The following SSBP2 variants were observed in gnomAD, a reference collection of about 807,000 sequenced individuals.
SSBP2 encodes single-stranded DNA-binding protein 2.
Under a neutral mutation model 61.8 loss-of-function variants are expected in SSBP2, and 17 were observed. The observed-to-expected ratio is 0.28, with a 90% CI of 0.19 to 0.41. The LOEUF (loss-of-function observed/expected upper bound fraction) is 0.41, where lower values mean the gene tolerates loss of function less well. Ranked by LOEUF, SSBP2 falls within the 10% of genes least tolerant of loss-of-function variation. The probability of loss-of-function intolerance (pLI) is 1.00; values close to 1 mark genes in which losing one functional copy is unlikely to be tolerated. For synonymous variants in SSBP2, 139 were observed against 141.3 expected, an observed-to-expected ratio of 0.98 and a Z score of 0.12; for missense variants, 310 against 458.7, an observed-to-expected ratio of 0.68 and a Z score of 2.96.
At chr5:81,446,762 A>G (rs1334203669) in intron 12 of SSBP2, 106 bp downstream of exon 12, 7 of 1,080,688 alleles carry the variant, frequency 6.5e-6, no homozygotes, top group Non-Finnish European at 9.3e-6. Flanking sequence ...TCCTTTAACT[A>G]TCGTGAGAAC....
At chr5:81,632,389 A>T (rs1020772453) in intron 3 of SSBP2, among the ~76,000 whole-genome samples, 11 of 152,224 alleles carry the variant, frequency 7.2e-5, no homozygotes, top group Non-Finnish European at 1.5e-4. Context: ...GGCTTGAGGA[A>T]GATACGATAT....
chr5:81,426,078 G>C (rs1306847208), intron 16 of SSBP2, among the ~76,000 whole-genome samples: 3 of 152,194 alleles, frequency 2.0e-5, no homozygotes, highest in Admixed American at 6.5e-5. Context: ...AATTCATTAA[G>C]AGTTCTGCTT....
chr5:81,715,822 C>A lies in SSBP2; in HGVS notation c.62+35159G>T, dbSNP rs6873194. On this transcript the variant is annotated intron_variant, in intron 1 of 16. Transcript: ENST00000320672. Reference sequence around the variant, plus strand: ...CTGCAATCCCAACTCTTAGGAAGGCCGAGGCAAGAGGATTGCTTGAGCCCA... The same window carrying A: ...CTGCAATCCCAACTCTTAGGAAGGCAGAGGCAAGAGGATTGCTTGAGCCCA... Among the ~76,000 whole-genome samples, 4 of 152,032 alleles carry A rather than the reference C, an allele frequency of 2.6e-5. 1 individual carries two copies. The South Asian group carries it at 6.2e-4, about 24-fold the overall frequency.
At chr5:81,667,922 C>T (rs983856195) in intron 1 of SSBP2, among the ~76,000 whole-genome samples, 3 of 152,056 alleles carry the variant, frequency 2.0e-5, no homozygotes, top group African/African-American at 7.2e-5. Flanking sequence ...AAACGGTTGA[C>T]TTATAGAATT....
At chr5:81,612,013 G>A (rs1030703902) in intron 4 of SSBP2, among the ~76,000 whole-genome samples, 2 of 151,978 alleles carry the variant, frequency 1.3e-5, no homozygotes, top group Non-Finnish European at 2.9e-5. Flanking sequence ...TACCACAAAA[G>A]GGAAAAAATA....
At chr5:81,510,792 A>T (rs1260347742) in intron 5 of SSBP2, among the ~76,000 whole-genome samples, 3 of 152,134 alleles carry the variant, frequency 2.0e-5, no homozygotes, top group Non-Finnish European at 4.4e-5. Context: ...GGAGTACTGT[A>T]AAAGACTCCT....
At chr5:81,729,706 A>G (rs1270457963) in intron 1 of SSBP2, among the ~76,000 whole-genome samples, 2 of 151,870 alleles carry the variant, frequency 1.3e-5, no homozygotes, top group African/African-American at 2.4e-5. Context: ...CTAGGACAGC[A>G]TATTTTTGCT....
chr5:81,600,359 G>A (rs891236944), intron 4 of SSBP2, among the ~76,000 whole-genome samples: 3 of 151,876 alleles, frequency 2.0e-5, no homozygotes, highest in Non-Finnish European at 4.4e-5. Context: ...TCAGGAGTTC[G>A]AGACCAGCCT....
intron 2 of SSBP2, among the ~76,000 whole-genome samples, chr5:81,644,083 C>T (rs1749055670): frequency 6.6e-6 from 1 of 152,104 alleles, no homozygotes; most frequent in South Asian, 2.1e-4. Flanking sequence ...TTGCACTAGC[C>T]ATATTTAAAG....
chr5:81,656,900 A>G (rs1278518163), intron 1 of SSBP2, among the ~76,000 whole-genome samples: 1 of 152,090 alleles, frequency 6.6e-6, no homozygotes, highest in African/African-American at 2.4e-5. Context: ...AAAAGTCATA[A>G]GTTTTTTTTT....
chr5:81,593,069 T>C (rs548015945), intron 4 of SSBP2, among the ~76,000 whole-genome samples: 5 of 151,884 alleles, frequency 3.3e-5, no homozygotes, highest in African/African-American at 9.7e-5. Flanking sequence ...TCTGAACCAA[T>C]GGCAAAGAAG....
intron 10 of SSBP2, among the ~76,000 whole-genome samples, chr5:81,457,288 G>A (rs1175795088): frequency 6.6e-6 from 1 of 151,312 alleles, no homozygotes; most frequent in Non-Finnish European, 1.5e-5. Flanking sequence ...AATAATTCAT[G>A]AATACATCGT....
intron 16 of SSBP2, among the ~76,000 whole-genome samples, chr5:81,424,942 T>A (rs1004344906): frequency 6.6e-6 from 1 of 152,254 alleles, no homozygotes; most frequent in African/African-American, 2.4e-5. Context: ...TGATATCAGG[T>A]TGCCCTGTTT....
At chr5:81,687,562 C>T (rs1479383058) in intron 1 of SSBP2, among the ~76,000 whole-genome samples, 1 of 152,180 alleles carries the variant, frequency 6.6e-6, no homozygotes, top group Non-Finnish European at 1.5e-5. Flanking sequence ...CAACCCCAGG[C>T]AGCACAGCTT....
intron 4 of SSBP2, among the ~76,000 whole-genome samples, chr5:81,575,288 A>C (rs1774126873): frequency 6.6e-6 from 1 of 152,188 alleles, no homozygotes; most frequent in African/African-American, 2.4e-5. Context: ...AAAAAAGCTC[A>C]GAGGTGCAGG....
chr5:81,690,441 GAAGT>G (rs1581354159), intron 1 of SSBP2, among the ~76,000 whole-genome samples: 2 of 152,112 alleles, frequency 1.3e-5, no homozygotes, highest in East Asian at 3.9e-4. Context: ...TAAAAGAACA[GAAGT>G]AACTATGCGT....
At chr5:81,664,906 G>A (rs1750984225) in intron 1 of SSBP2, among the ~76,000 whole-genome samples, 1 of 152,082 alleles carries the variant, frequency 6.6e-6, no homozygotes, top group Non-Finnish European at 1.5e-5. Context: ...TCTCTGTTCT[G>A]TTCCACTGCT....
At chr5:81,514,939 A>C (rs890541795) in intron 4 of SSBP2, among the ~76,000 whole-genome samples, 1 of 152,016 alleles carries the variant, frequency 6.6e-6, no homozygotes, top group African/African-American at 2.4e-5. Flanking sequence ...AGGCATATGA[A>C]TATAAAAGAA....
intron 3 of SSBP2, among the ~76,000 whole-genome samples, chr5:81,630,336 T>C (rs1010342297): frequency 6.6e-6 from 1 of 152,156 alleles, no homozygotes; most frequent in African/African-American, 2.4e-5. Context: ...TTAAAGCCCA[T>C]GGTAATGGCT....
Sources: gnomAD v4.1 joint callset for allele counts (sites outside exome capture counted in the v4.1 genomes callset) on GRCh38, gnomAD v4.1.1 for gene constraint, MANE v1.5 for transcripts, NCBI Gene and HGNC (gene_info 2026-07-23, HGNC 2026-07-21) for gene names.